Variants in EPRS1 observed in about 807,000 individuals in gnomAD.
The protein encoded by EPRS1 is bifunctional glutamate/proline--tRNA ligase.
In EPRS1, 107 loss-of-function variants were observed where a neutral mutation model predicts 188.3. The observed-to-expected ratio is 0.57, with a 90% CI of 0.49 to 0.67. The LOEUF (loss-of-function observed/expected upper bound fraction) is 0.67, where lower values mean the gene tolerates loss of function less well. Among genes scored for constraint, EPRS1 ranks in the 30% least tolerant of loss-of-function variants. The pLI, the probability that EPRS1 is intolerant of heterozygous loss-of-function variation, is 0.00. For missense variants in EPRS1, 1,577 were observed against 1,802.2 expected, an observed-to-expected ratio of 0.88 and a Z score of 2.26; for synonymous variants, 596 against 593.1, an observed-to-expected ratio of 1.00 and a Z score of -0.07.
At chr1:219,998,485 TTAAA>T (rs1474204074) in intron 17 of EPRS1, among the ~76,000 whole-genome samples, 8 of 152,052 alleles carry the variant, frequency 5.3e-5, no homozygotes, top group Non-Finnish European at 1.2e-4. Context: ...TGCATATACA[TTAAA>T]TAAATAATAC....
chr1:220,010,991 T>C lies in EPRS1; in HGVS notation c.1560A>G (p.Val520=). 6.2e-7 allele frequency: 1 copy of C among 1,613,712 alleles called. No homozygotes were observed. The highest frequency in any genetic ancestry group is 8.5e-7 in the Non-Finnish European group (1 of 1,179,658). ...CTTTCATCTCCTCCTGAGCTTCAGG[T>C]ACATTCACTGGGATCACTTCTTTCT... ...LLKKEVIPVN[V]PEAQEEMKEV... is the part of the protein sequence containing the mutation. The change falls in exon 13 of 32, where the codon GTA becomes GTG. Residue 520 remains valine (V), a synonymous_variant. Transcript: ENST00000366923.
At chr1:220,034,886 C>G in intron 3 of EPRS1, 28 bp downstream of exon 3, 1 of 1,257,706 alleles carries the variant, frequency 8.0e-7, no homozygotes, top group Non-Finnish European at 1.2e-6. Context: ...TAAGACAAAA[C>G]ACACACAACA....
intron 18 of EPRS1, among the ~76,000 whole-genome samples, chr1:219,992,738 C>A (rs1020059761): frequency 1.3e-5 from 2 of 152,126 alleles, no homozygotes; most frequent in African/African-American, 4.8e-5. Context: ...ACCAGCCTAA[C>A]ATGGTAAAAC....
chr1:219,980,486 T>C (rs1306615444), intron 25 of EPRS1, among the ~76,000 whole-genome samples: 6 of 152,146 alleles, frequency 3.9e-5, no homozygotes, highest in Admixed American at 3.3e-4. Flanking sequence ...AGAAAATAAA[T>C]GTTAAGAAAG....
intron 15 of EPRS1, among the ~76,000 whole-genome samples, chr1:220,005,829 G>GTTTTTTTTTTTT (rs879818549): frequency 3.1e-4 from 14 of 45,722 alleles, no homozygotes; most frequent in African/African-American, 7.2e-4. Context: ...TTTTTTTTTT[G>GTTTTTTTTTTTT]TTTTTTTTTT....
At position 220,034,957 on chromosome 1, in the gene EPRS1, G is replaced by A; in HGVS notation, c.188C>T (p.Thr63Ile). The part of the protein sequence containing the change: ...SILRYLARVA[T>I]TAGLYGSNLM... Reference sequence around the variant, plus strand: ...ATTAGAGCCATATAACCCAGCTGTAGTTGCAACTCTAGCCAAGTAGCGAAG... The same window carrying A: ...ATTAGAGCCATATAACCCAGCTGTAATTGCAACTCTAGCCAAGTAGCGAAG... Residue 63 changes from threonine (T) to isoleucine (I), a missense_variant, in exon 3 of 32, where the codon ACT becomes ATT. By Grantham distance (89) the Thr-to-Ile change is moderately conservative. Transcript: ENST00000366923. 6.2e-7 allele frequency: 1 copy of A among 1,604,998 alleles called. No homozygotes were observed.
chr1:220,003,195 AT>A (rs1203833896), intron 16 of EPRS1, among the ~76,000 whole-genome samples: 2 of 152,036 alleles, frequency 1.3e-5, no homozygotes, highest in Non-Finnish European at 2.9e-5. Flanking sequence ...TTTCATTGTC[AT>A]TTTCATCTGA....
chr1:219,968,884 A>C lies in EPRS1; in HGVS notation c.4461T>G (p.Cys1487Trp). The change falls in exon 32 of 32, where the codon TGT (cysteine) becomes TGG (tryptophan). Residue 1487 changes from cysteine to tryptophan, a missense_variant. Coordinates refer to ENST00000366923, the MANE Select transcript of EPRS1 (RefSeq NM_004446.3). ...KSLCIPFKPL[C>W]ELQPGAKCVC... ...CACATTTGGCTCCAGGCTGCAGTTCACAGAGTGGTTTGAAGGGGATGCAAA... is the reference window on the plus strand; with the variant it reads ...CACATTTGGCTCCAGGCTGCAGTTCCCAGAGTGGTTTGAAGGGGATGCAAA... The C allele has an allele frequency of 6.2e-7, 1 of 1,614,146 alleles. No individual in the cohort carries two copies. Among genetic ancestry groups the C allele is most frequent in the Non-Finnish European group, 8.5e-7 (1 of 1,179,992 alleles).
intron 20 of EPRS1, among the ~76,000 whole-genome samples, chr1:219,984,551 T>TA (rs1257124280): frequency 6.6e-6 from 1 of 152,168 alleles, no homozygotes; most frequent in Non-Finnish European, 1.5e-5. Context: ...CCCCAGTAGC[T>TA]AGGACTACAG....
At chr1:219,985,594 G>A (rs941383317) in intron 20 of EPRS1, among the ~76,000 whole-genome samples, 41 of 151,692 alleles carry the variant, frequency 2.7e-4, no homozygotes, top group African/African-American at 1.2e-4. Flanking sequence ...TAGTAGAGGC[G>A]GAGCTTTGAC....
At chr1:219,976,382 A>G (rs1660780476) in intron 28 of EPRS1, among the ~76,000 whole-genome samples, 1 of 152,232 alleles carries the variant, frequency 6.6e-6, no homozygotes, top group Admixed American at 6.5e-5. Context: ...CTATAAAGAA[A>G]CACTAGTCAG....
intron 29 of EPRS1, 107 bp downstream of exon 29, chr1:219,973,131 A>G (rs1660701201): frequency 1.2e-6 from 1 of 854,748 alleles, no homozygotes; most frequent in Non-Finnish European, 1.9e-6. Context: ...GTTCAGAGGG[A>G]GGGAACAATT....
intron 11 of EPRS1, 51 bp from the exon 12 acceptor site, chr1:220,018,559 C>A: frequency 1.5e-5 from 16 of 1,102,802 alleles, no homozygotes; most frequent in Non-Finnish European, 2.0e-5. Flanking sequence ...TTAATTAGAA[C>A]TTTGCCTTTA....
In EPRS1 at chr1:220,019,058, C is replaced by A. The variant is rs150313206; in HGVS notation, c.1371G>T (p.Thr457=). Residue 457 remains threonine, a synonymous_variant, in exon 11 of 32, where the codon ACG becomes ACT. Coordinates refer to ENST00000366923, the MANE Select transcript of EPRS1 (RefSeq NM_004446.3). ...VDGWDDPRFP[T]VRGVLRRGMT... ...TCCCTCTTCTCAGTACACCACGAAC[C>A]GTAGGAAATCTTGGGTCATCCCTGG... The A allele has an allele frequency of 1.6e-5, 25 of 1,612,752 alleles. No individual in the cohort carries two copies. In the Admixed American group the frequency reaches 4.0e-4, roughly 26 times the overall value.
At chr1:220,033,706 T>C in intron 3 of EPRS1, 48 bp from the exon 4 acceptor site, 1 of 1,436,348 alleles carries the variant, frequency 7.0e-7, no homozygotes, top group Non-Finnish European at 9.7e-7. Context: ...CATTTCAACT[T>C]ATAAAAAGAA....
chr1:220,020,881 A>G (rs1159469833), intron 9 of EPRS1, among the ~76,000 whole-genome samples: 6 of 95,878 alleles, frequency 6.3e-5, no homozygotes, highest in African/African-American at 1.6e-4. Context: ...TTAGTGCATT[A>G]TGCTTTCTTT....
rs1278153221 is a variant in EPRS1 at position 220,001,126 on chromosome 1, A to G, written c.2181+12T>C. ...CATTTATTTTTATACACATATCCGTAAAAGTCATTACCTCATTTTTTGTGG... is the reference window on the plus strand; with the variant it reads ...CATTTATTTTTATACACATATCCGTGAAAGTCATTACCTCATTTTTTGTGG... On this transcript the variant is annotated intron_variant, in intron 17 of 31. Coordinates refer to ENST00000366923, the MANE Select transcript of EPRS1 (RefSeq NM_004446.3). 3 of 1,450,226 alleles carry G rather than the reference A, an allele frequency of 2.1e-6. No homozygotes were observed. The Admixed American group carries it at 5.0e-5, about 24-fold the overall frequency. The allele number at this position is 1,450,226 out of a possible 1,614,324, so 89.8% of individuals were successfully genotyped here. A position where few individuals can be genotyped will look rare whatever the true frequency, so the allele number is the denominator to read the frequency against.
At chr1:220,027,803 C>A (rs943960127) in intron 6 of EPRS1, among the ~76,000 whole-genome samples, 4 of 151,194 alleles carry the variant, frequency 2.6e-5, no homozygotes, top group African/African-American at 9.7e-5. Context: ...ACCAACATGG[C>A]GGAACTCTGT....
chr1:219,983,144 T>C, intron 22 of EPRS1, 45 bp downstream of exon 22: 2 of 1,438,532 alleles, frequency 1.4e-6, no homozygotes, highest in Non-Finnish European at 1.9e-6. Context: ...TATTTTCCAG[T>C]TTGTCAGAGA....
Sources: allele counts gnomAD v4.1 joint callset (sites outside exome capture counted in the v4.1 genomes callset), GRCh38; gene constraint gnomAD v4.1.1; transcripts MANE v1.5; gene names NCBI Gene and HGNC (gene_info 2026-07-23, HGNC 2026-07-21).